NRXN3: variants seen among roughly 807,000 people sequenced by gnomAD.
NRXN3 encodes the protein neurexin 3, also known as neurexin III.
Under a neutral mutation model 137.6 loss-of-function variants are expected in NRXN3, and 32 were observed. The observed-to-expected ratio is 0.23, with a 90% CI of 0.18 to 0.31. The LOEUF (loss-of-function observed/expected upper bound fraction) is 0.31, where lower values mean the gene tolerates loss of function less well. NRXN3 is among the 10% of genes least tolerant of loss of function. The pLI is 1.00. For missense variants in NRXN3, 1,574 were observed against 2,062.5 expected (o/e 0.76, Z 4.59); for synonymous variants, 798 against 784.5 (o/e 1.02, Z -0.29).
intron 16 of NRXN3, among the ~76,000 whole-genome samples, chr14:79,537,214 T>C (rs1178696987): frequency 6.6e-6 from 1 of 152,140 alleles, no homozygotes; most frequent in East Asian, 1.9e-4. Flanking sequence ...TGATCAGTGA[T>C]GTTGTTGAGC....
rs370766843 is a variant in NRXN3 at position 79,495,400 on chromosome 14, C to T, written c.3444+27998C>T. On this transcript the variant is annotated intron_variant, in intron 16 of 20. Coordinates refer to ENST00000335750, the MANE Select transcript of NRXN3 (RefSeq NM_001330195.2). ...CAGGAACAGGGAGATGCAGCAGCTG[C>T]AGTTGGGAACTCTTCTTTCTTTCTA... is the stretch of plus-strand genomic sequence containing the variant. 4.6e-5 allele frequency among the ~76,000 whole-genome samples: 7 copies of T among 152,276 alleles called. No homozygotes were observed. The East Asian group carries it at 7.7e-4, about 17-fold the overall frequency.
At chr14:79,692,353 C>A (rs1046336224) in intron 18 of NRXN3, 91 bp downstream of exon 18, 1 of 913,682 alleles carries the variant, frequency 1.1e-6, no homozygotes, top group Non-Finnish European at 1.7e-6. Context: ...AAATGATAAT[C>A]GCCTGCTGCA....
rs147843057 is a variant in NRXN3, at chr14:78,364,784, G to T, written c.757+66924G>T. 4.8e-3 allele frequency among the ~76,000 whole-genome samples: 734 copies of T among 152,260 alleles called. 2 individuals carry two copies. The highest frequency in any genetic ancestry group is 8.6e-3 in the Non-Finnish European group (587 of 68,014). On this transcript the variant is annotated intron_variant, in intron 4 of 20. Transcript: ENST00000335750. ...TATACAAACTCCCAAAGAAACTGTG[G>T]GTGGAGGAGAAACCAGCACTGTATG...
intron 19 of NRXN3, among the ~76,000 whole-genome samples, chr14:79,722,960 G>A (rs1412595438): frequency 1.3e-5 from 2 of 152,104 alleles, no homozygotes; most frequent in Non-Finnish European, 2.9e-5. Context: ...ATTAAGAAAT[G>A]CACTTCGTTG....
At chr14:78,669,532 C>T (rs560083450) in intron 6 of NRXN3, among the ~76,000 whole-genome samples, 1 of 152,190 alleles carries the variant, frequency 6.6e-6, no homozygotes, top group South Asian at 2.1e-4. Flanking sequence ...TGCTAAAGAC[C>T]AGGCTCTGTG....
intron 10 of NRXN3, among the ~76,000 whole-genome samples, chr14:78,880,283 A>G (rs1382747159): frequency 2.0e-5 from 3 of 151,482 alleles, no homozygotes; most frequent in Non-Finnish European, 4.4e-5. Flanking sequence ...CATTTACAAT[A>G]GTATAGGCAG....
chr14:79,111,038 C>T (rs2053422637), intron 15 of NRXN3, among the ~76,000 whole-genome samples: 1 of 152,204 alleles, frequency 6.6e-6, no homozygotes, highest in African/African-American at 2.4e-5. Flanking sequence ...GGTCTGCCCG[C>T]CTCGGCCTCC....
chr14:79,571,100 A>G (rs575027989), intron 16 of NRXN3, among the ~76,000 whole-genome samples: 1 of 152,256 alleles, frequency 6.6e-6, no homozygotes, highest in East Asian at 1.9e-4. Flanking sequence ...ATCAGGGACC[A>G]TTGATAAAAT....
intron 3 of NRXN3, among the ~76,000 whole-genome samples, chr14:78,280,422 T>C (rs1178522220): frequency 1.3e-5 from 2 of 152,120 alleles, no homozygotes; most frequent in East Asian, 1.9e-4. Context: ...TTACAATAGG[T>C]AGTCAGGGAA....
chr14:79,785,322 CG>C (rs1298521401), intron 19 of NRXN3, among the ~76,000 whole-genome samples: 1 of 152,208 alleles, frequency 6.6e-6, no homozygotes, highest in Non-Finnish European at 1.5e-5. Context: ...CACCTCCTCT[CG>C]GTCCTCTTTG....
At chr14:79,160,617 C>CT (rs987471250) in intron 15 of NRXN3, among the ~76,000 whole-genome samples, 3 of 151,762 alleles carry the variant, frequency 2.0e-5, no homozygotes, top group East Asian at 1.9e-4. Context: ...ATCACTTGTT[C>CT]TTTTTTTAAC....
chr14:78,783,303 GA>G (rs916398801), intron 8 of NRXN3, among the ~76,000 whole-genome samples: 2 of 152,016 alleles, frequency 1.3e-5, no homozygotes, highest in Non-Finnish European at 2.9e-5. Flanking sequence ...CTCCAATCCT[GA>G]AAAAACACTG....
chr14:78,904,221 G>A (rs1345852009), intron 10 of NRXN3, among the ~76,000 whole-genome samples: 1 of 151,970 alleles, frequency 6.6e-6, no homozygotes, highest in Admixed American at 6.6e-5. Context: ...TTCTTCTTGG[G>A]ATATTTGGTA....
intron 16 of NRXN3, chr14:79,570,626 G>A (rs2097590626): frequency 1.3e-5 from 2 of 152,216 alleles, no homozygotes; most frequent in Non-Finnish European, 2.9e-5. Context: ...AATGAGATAT[G>A]ATAAATTGGA....
intron 4 of NRXN3, among the ~76,000 whole-genome samples, chr14:78,370,195 A>G (rs1281412020): frequency 1.3e-5 from 2 of 152,014 alleles, no homozygotes; most frequent in African/African-American, 4.8e-5. Context: ...TGCTTACTCC[A>G]ATCATTCCAA....
At chr14:79,676,200 C>T (rs1243720090) in intron 17 of NRXN3, among the ~76,000 whole-genome samples, 1 of 151,992 alleles carries the variant, frequency 6.6e-6, no homozygotes, top group Non-Finnish European at 1.5e-5. Flanking sequence ...AGAGGTGGCT[C>T]AGCCCACTTC....
chr14:79,577,952 A>G (rs778509988), intron 16 of NRXN3, among the ~76,000 whole-genome samples: 2 of 152,294 alleles, frequency 1.3e-5, no homozygotes, highest in Non-Finnish European at 2.9e-5. Flanking sequence ...TACCTTCAGA[A>G]ATCCAGGTGC....
At chr14:79,792,041 T>C (rs1490774002) in intron 19 of NRXN3, among the ~76,000 whole-genome samples, 2 of 152,190 alleles carry the variant, frequency 1.3e-5, no homozygotes, top group African/African-American at 4.8e-5. Flanking sequence ...GCTGGACATA[T>C]GAAGACCTGA....
rs144483273 is a variant in NRXN3, at chr14:79,415,025, A to G, written c.3263-52196A>G. ...CCTCTAGGTTTATCCATGTTTTTGCAAATATCAGAATACCCTTCTTTGTCA... is the reference window on the plus strand; with the variant it reads ...CCTCTAGGTTTATCCATGTTTTTGCGAATATCAGAATACCCTTCTTTGTCA... On this transcript the variant is annotated intron_variant, in intron 15 of 20. Coordinates refer to ENST00000335750, the MANE Select transcript of NRXN3 (RefSeq NM_001330195.2). Among the ~76,000 whole-genome samples the G allele has an allele frequency of 3.1e-3, 476 of 152,262 alleles. 4 individuals are homozygous for G. Among genetic ancestry groups the G allele is most frequent in the Middle Eastern group, 3.4e-3 (1 of 294 alleles).
Sources: gnomAD v4.1 joint callset for allele counts (sites outside exome capture counted in the v4.1 genomes callset) on GRCh38, gnomAD v4.1.1 for gene constraint, MANE v1.5 for transcripts, NCBI Gene and HGNC (gene_info 2026-07-23, HGNC 2026-07-21) for gene names.